DSTN: variants seen among roughly 807,000 people sequenced by gnomAD.
DSTN encodes the protein destrin.
DSTN carries 10 observed loss-of-function variants against 16.8 expected under a neutral mutation model. That is an observed-to-expected ratio of 0.60 (90% CI 0.37 to 1.01). The LOEUF (loss-of-function observed/expected upper bound fraction) is 1.01, where lower values mean the gene tolerates loss of function less well. DSTN is among the 50% of genes least tolerant of loss of function. DSTN has a pLI of 0.01. For synonymous variants in DSTN, 57 were observed against 58.9 expected, an observed-to-expected ratio of 0.97 and a Z score of 0.14; for missense variants, 141 against 196.7, an observed-to-expected ratio of 0.72 and a Z score of 1.69.
At chr20:17,582,759 T>G (rs1383842529) in intron 1 of DSTN, among the ~76,000 whole-genome samples, 2 of 152,210 alleles carry the variant, frequency 1.3e-5, no homozygotes, top group Non-Finnish European at 2.9e-5. Flanking sequence ...CTAGAACACA[T>G]AGGTATAAAT....
At chr20:17,582,817 T>C (rs2035361348) in intron 1 of DSTN, among the ~76,000 whole-genome samples, 1 of 152,196 alleles carries the variant, frequency 6.6e-6, no homozygotes, top group African/African-American at 2.4e-5. Flanking sequence ...TTTCCTGGCC[T>C]TTCTAGGCAA....
At chr20:17,581,398 A>T (rs1297775322) in intron 1 of DSTN, among the ~76,000 whole-genome samples, 1 of 152,176 alleles carries the variant, frequency 6.6e-6, no homozygotes, top group African/African-American at 2.4e-5. Flanking sequence ...GCAGGAGATT[A>T]CTTGACCCCA....
At position 17,575,540 on chromosome 20, in the gene DSTN, T is replaced by G. The variant is rs6131973; in HGVS notation, c.3+5329T>G. Among the ~76,000 whole-genome samples, 939 of 151,860 alleles carry G rather than the reference T, an allele frequency of 6.2e-3. 24 individuals carry two copies. The East Asian group carries it at 0.081, about 13-fold the overall frequency. Reference sequence around the variant, plus strand: ...GTGCAGGGGCGTGAACACAACTCACTGCATCGTCCACCCTCAGGCTCAGTC... The same window carrying G: ...GTGCAGGGGCGTGAACACAACTCACGGCATCGTCCACCCTCAGGCTCAGTC... On this transcript the variant is annotated intron_variant, in intron 1 of 3. Transcript: ENST00000246069.
At position 17,607,666 on chromosome 20, in the gene DSTN, C is replaced by T. The variant is rs2035656590; in HGVS notation, c.*520C>T. 1 of 152,242 alleles carries T rather than the reference C, an allele frequency of 6.6e-6. No individual in the cohort carries two copies. The highest frequency in any genetic ancestry group is 1.5e-5 in the Non-Finnish European group (1 of 68,122). The allele number at this position is 152,242 out of a possible 1,614,324, so 9.4% of individuals were successfully genotyped here. ...CTACCAAATGTGTAATGGAGATTGC[C>T]TCAAAATTGTGTCCACATAATCCAC... is the stretch of plus-strand genomic sequence containing the variant. On this transcript the variant is annotated 3_prime_UTR_variant, in exon 4 of 4. Transcript: ENST00000246069.
At chr20:17,603,829 T>C (rs2035612160) in intron 2 of DSTN, among the ~76,000 whole-genome samples, 1 of 152,224 alleles carries the variant, frequency 6.6e-6, no homozygotes, top group Non-Finnish European at 1.5e-5. Flanking sequence ...GGATTTAATA[T>C]TTTTTTCCAG....
At position 17,600,894 on chromosome 20, in the gene DSTN, G is replaced by C; in HGVS notation, c.160G>C (p.Glu54Gln). 1 of 1,613,930 alleles carries C rather than the reference G, an allele frequency of 6.2e-7. No individual in the cohort carries two copies. Among genetic ancestry groups the C allele is most frequent in the Non-Finnish European group, 8.5e-7 (1 of 1,179,878 alleles). The change falls in exon 2 of 4, where the codon GAG becomes CAG. Residue 54 changes from glutamate (E) to glutamine (Q), a missense_variant. Transcript: ENST00000246069. The part of the protein sequence containing the change: ...KKCIIVEEGK[E>Q]ILVGDVGVTI... ...GTGCATCATTGTAGAAGAAGGCAAA[G>C]AGATCTTGGTTGGAGATGTTGGTGT... is the stretch of plus-strand genomic sequence containing the variant.
intron 1 of DSTN, among the ~76,000 whole-genome samples, chr20:17,575,069 G>T (rs2035263305): frequency 6.6e-6 from 1 of 151,726 alleles, no homozygotes; most frequent in Non-Finnish European, 1.5e-5. Context: ...ACATTGCCCA[G>T]ACTGGTCTCA....
intron 1 of DSTN, among the ~76,000 whole-genome samples, chr20:17,575,942 T>C (rs17791728): frequency 0.022 from 3,390 of 152,318 alleles, 61 homozygotes; most frequent in Non-Finnish European, 0.033. Flanking sequence ...TAACCACAAC[T>C]TTTCTTCTGT....
intron 1 of DSTN, among the ~76,000 whole-genome samples, chr20:17,594,015 A>G (rs2122193828): frequency 6.6e-6 from 1 of 152,100 alleles, no homozygotes; most frequent in East Asian, 1.9e-4. Context: ...CAGGAGTGCG[A>G]GGCTGCAGTT....
chr20:17,579,391 A>G (rs2035318611), intron 1 of DSTN, among the ~76,000 whole-genome samples: 1 of 152,112 alleles, frequency 6.6e-6, no homozygotes, highest in Non-Finnish European at 1.5e-5. Context: ...CCTGAGCAAC[A>G]TGACAAAACC....
At chr20:17,595,911 C>T (rs1457711467) in intron 1 of DSTN, among the ~76,000 whole-genome samples, 1 of 152,146 alleles carries the variant, frequency 6.6e-6, no homozygotes, top group Non-Finnish European at 1.5e-5. Flanking sequence ...AGACAACTTG[C>T]ATGAAGTACC....
At chr20:17,573,686 C>T (rs1361380660) in intron 1 of DSTN, among the ~76,000 whole-genome samples, 1 of 152,100 alleles carries the variant, frequency 6.6e-6, no homozygotes, top group African/African-American at 2.4e-5. Flanking sequence ...TAATAAGAGA[C>T]TTGAAACCTT....
At chr20:17,593,189 T>C (rs1477126872) in intron 1 of DSTN, among the ~76,000 whole-genome samples, 1 of 152,176 alleles carries the variant, frequency 6.6e-6, no homozygotes, top group African/African-American at 2.4e-5. Flanking sequence ...TGTTTTAGAG[T>C]GCTTTTAAGT....
chr20:17,596,743 A>T (rs1182599159), intron 1 of DSTN: 1 of 985,170 alleles, frequency 1.0e-6, no homozygotes, highest in African/African-American at 1.8e-5. Context: ...ATCACTTCTG[A>T]TAGAAAAAAA....
At chr20:17,570,392 T>G (rs1280184566) in intron 1 of DSTN, among the ~76,000 whole-genome samples, 181 bp downstream of exon 1, 1 of 152,076 alleles carries the variant, frequency 6.6e-6, no homozygotes, top group African/African-American at 2.4e-5. Context: ...CCCGCCGTCC[T>G]GGCTGGGCCC....
At chr20:17,571,047 A>G (rs1056858143) in intron 1 of DSTN, among the ~76,000 whole-genome samples, 1 of 152,266 alleles carries the variant, frequency 6.6e-6, no homozygotes, top group African/African-American at 2.4e-5. Flanking sequence ...TGGAGTCACC[A>G]GAAAGTAAAC....
At chr20:17,603,901 A>C (rs1320626207) in intron 2 of DSTN, among the ~76,000 whole-genome samples, 2 of 152,236 alleles carry the variant, frequency 1.3e-5, no homozygotes, top group African/African-American at 4.8e-5. Flanking sequence ...TGTTAGACTA[A>C]GAAAACAAGT....
Position 17,607,029 on chromosome 20 carries a change from C to T in DSTN, c.389-8C>T, listed in dbSNP as rs2122215348. 6.2e-7 allele frequency: 1 copy of T among 1,609,632 alleles called. No homozygotes were observed. Among genetic ancestry groups the T allele is most frequent in the Non-Finnish European group, 8.5e-7 (1 of 1,178,560 alleles). Reference sequence around the variant, plus strand: ...ATTGTAAATAGAAGTGTTGTTTTTTCTCTCTAGGCATAAAACATGAATGTC... The same window carrying T: ...ATTGTAAATAGAAGTGTTGTTTTTTTTCTCTAGGCATAAAACATGAATGTC... On this transcript the variant is annotated splice_polypyrimidine_tract_variant and splice_region_variant and intron_variant, in intron 3 of 3. Coordinates refer to ENST00000246069, the MANE Select transcript of DSTN (RefSeq NM_006870.4).
chr20:17,585,257 T>G (rs2035392905), intron 1 of DSTN, among the ~76,000 whole-genome samples: 1 of 152,162 alleles, frequency 6.6e-6, no homozygotes, highest in Non-Finnish European at 1.5e-5. Flanking sequence ...GACTTAATCT[T>G]GGGAGTGATA....
Sources: gnomAD v4.1 joint callset for allele counts (sites outside exome capture counted in the v4.1 genomes callset) on GRCh38, gnomAD v4.1.1 for gene constraint, MANE v1.5 for transcripts, NCBI Gene and HGNC (gene_info 2026-07-23, HGNC 2026-07-21) for gene names.